Variants in FMNL2 observed in about 807,000 individuals in gnomAD.
FMNL2 encodes formin like 2, also known as formin-like protein 2.
Under a neutral mutation model 130.2 loss-of-function variants are expected in FMNL2, and 51 were observed. The ratio of observed to expected loss-of-function variants is 0.39; its 90% confidence interval spans 0.31 to 0.49. The LOEUF is 0.49. FMNL2 is among the 20% of genes least tolerant of loss of function. The probability of loss-of-function intolerance (pLI) is 0.85; values close to 1 mark genes in which losing one functional copy is unlikely to be tolerated. For missense variants in FMNL2, 977 were observed against 1,316.2 expected (o/e 0.74, Z 3.99); for synonymous variants, 465 against 467.1 (o/e 1.00, Z 0.06).
intron 1 of FMNL2, among the ~76,000 whole-genome samples, chr2:152,369,811 C>A (rs1560305659): frequency 6.6e-6 from 1 of 152,176 alleles, no homozygotes; most frequent in Non-Finnish European, 1.5e-5. Context: ...TTTCTTCTTT[C>A]TTTTTAACAT....
chr2:152,447,097 C>T (rs1688383507), intron 1 of FMNL2, among the ~76,000 whole-genome samples: 1 of 151,612 alleles, frequency 6.6e-6, no homozygotes, highest in African/African-American at 2.4e-5. Context: ...TGTGAATAAA[C>T]TCACTTTTTT....
intron 1 of FMNL2, among the ~76,000 whole-genome samples, chr2:152,499,953 T>C (rs1691719765): frequency 6.6e-6 from 1 of 152,000 alleles, no homozygotes; most frequent in African/African-American, 2.4e-5. Context: ...TTCTTCTGAG[T>C]TTCTTTCTCT....
At chr2:152,571,216 G>C (rs1362873093) in intron 6 of FMNL2, among the ~76,000 whole-genome samples, 1 of 152,144 alleles carries the variant, frequency 6.6e-6, no homozygotes, top group Non-Finnish European at 1.5e-5. Context: ...TCTGAGATTT[G>C]AGAACTGCTG....
At chr2:152,574,195 C>A (rs1355391219) in intron 6 of FMNL2, among the ~76,000 whole-genome samples, 3 of 152,080 alleles carry the variant, frequency 2.0e-5, no homozygotes, top group African/African-American at 4.8e-5. Context: ...CCCAGCACTT[C>A]GGGAGGCCGA....
chr2:152,645,522 G>A (rs1580176418), intron 25 of FMNL2: 1 of 1,289,526 alleles, frequency 7.8e-7, no homozygotes, highest in Non-Finnish European at 1.0e-6. Context: ...AGGATACACA[G>A]AGCTGGCAAG....
intron 1 of FMNL2, among the ~76,000 whole-genome samples, chr2:152,461,948 G>A (rs2105130621): frequency 6.6e-6 from 1 of 151,910 alleles, no homozygotes; most frequent in East Asian, 1.9e-4. Context: ...CCAGCGTGGA[G>A]TGTGATGTGC....
chr2:152,432,954 C>T (rs1207008523), intron 1 of FMNL2, among the ~76,000 whole-genome samples: 2 of 152,210 alleles, frequency 1.3e-5, no homozygotes, highest in African/African-American at 4.8e-5. Flanking sequence ...CAGGCATTGA[C>T]ATGGACTTTG....
intron 1 of FMNL2, among the ~76,000 whole-genome samples, chr2:152,500,368 G>A (rs2105320090): frequency 6.6e-6 from 1 of 152,284 alleles, no homozygotes; most frequent in South Asian, 2.1e-4. Flanking sequence ...AAAATGTCGT[G>A]TTCTATCTCC....
At chr2:152,478,384 C>T (rs565444427) in intron 1 of FMNL2, among the ~76,000 whole-genome samples, 32 of 151,184 alleles carry the variant, frequency 2.1e-4, no homozygotes, top group East Asian at 3.9e-4. Flanking sequence ...ATTACAGGCA[C>T]GCGCCAACGT....
At chr2:152,547,232 T>C (rs955314115) in intron 3 of FMNL2, among the ~76,000 whole-genome samples, 6 of 152,158 alleles carry the variant, frequency 3.9e-5, no homozygotes, top group Admixed American at 6.5e-5. Flanking sequence ...CGTGAGCCAC[T>C]GAGCTTGGCC....
chr2:152,622,992 C>T (rs1392241648), intron 15 of FMNL2, among the ~76,000 whole-genome samples: 1 of 152,084 alleles, frequency 6.6e-6, no homozygotes, highest in Admixed American at 6.6e-5. Context: ...CACAGTGTGT[C>T]CAGTGGTCAC....
chr2:152,629,755 G>T, intron 19 of FMNL2, 31 bp downstream of exon 19: 1 of 1,601,762 alleles, frequency 6.2e-7, no homozygotes, highest in Non-Finnish European at 8.5e-7. Flanking sequence ...AGGTATGAAG[G>T]ACTACTTCAG....
chr2:152,538,208 A>C (rs1694102599), intron 2 of FMNL2, among the ~76,000 whole-genome samples: 1 of 152,226 alleles, frequency 6.6e-6, no homozygotes. Context: ...ATTACTTCTA[A>C]ATTAACCAGT....
At chr2:152,413,091 T>A (rs905560787) in intron 1 of FMNL2, among the ~76,000 whole-genome samples, 3 of 152,088 alleles carry the variant, frequency 2.0e-5, no homozygotes, top group Non-Finnish European at 4.4e-5. Flanking sequence ...TTAACAGATA[T>A]AAAACATAAA....
intron 1 of FMNL2, among the ~76,000 whole-genome samples, chr2:152,502,490 C>T (rs1203931539): frequency 1.3e-5 from 2 of 152,154 alleles, no homozygotes; most frequent in African/African-American, 4.8e-5. Flanking sequence ...AGTCTGAGAC[C>T]AGCCTGGCCA....
intron 7 of FMNL2, among the ~76,000 whole-genome samples, chr2:152,575,789 A>G (rs1227744725): frequency 6.6e-6 from 1 of 152,190 alleles, no homozygotes; most frequent in Non-Finnish European, 1.5e-5. Flanking sequence ...AAAGGGTTAT[A>G]TGGCAAACAG....
Position 152,619,057 on chromosome 2 carries a change from T to C in FMNL2, c.1526T>C (p.Val509Ala), listed in dbSNP as rs746624646. The C allele has an allele frequency of 4.3e-6, 7 of 1,613,872 alleles. No individual in the cohort carries two copies. Among genetic ancestry groups the C allele is most frequent in the Non-Finnish European group, 5.9e-6 (7 of 1,179,852 alleles). Reference protein sequence around the residue: ...SGTLSMGSEVVAGNSVGPTMG... With the variant: ...SGTLSMGSEVAAGNSVGPTMG... ...ACATTGTCCATGGGGTCAGAAGTGGTAGCAGGTAACTCTGTGGGACCCACA... is the reference window on the plus strand; with the variant it reads ...ACATTGTCCATGGGGTCAGAAGTGGCAGCAGGTAACTCTGTGGGACCCACA... The change falls in exon 14 of 26, where the codon GTA becomes GCA. Residue 509 changes from valine (V) to alanine (A), a missense_variant. By Grantham distance (64) the Val-to-Ala change is moderately conservative. This residue lies in a region of FMNL2 where 689 missense variants were observed against 995.9 expected (regional missense o/e 0.69). Transcript: ENST00000288670.
chr2:152,490,569 A>ATGTGTGTGTGTGTGTGTGTGTG (rs58838989), intron 1 of FMNL2, among the ~76,000 whole-genome samples: 6 of 108,520 alleles, frequency 5.5e-5, no homozygotes, highest in South Asian at 3.8e-4. Flanking sequence ...TTGCTATCCA[A>ATGTGTGTGTGTGTGTGTGTGTG]TGTGTGTGTG....
intron 9 of FMNL2, among the ~76,000 whole-genome samples, chr2:152,597,818 C>T (rs541458312): frequency 3.8e-4 from 58 of 152,328 alleles, no homozygotes; most frequent in African/African-American, 1.4e-3. Context: ...TCATCTTGGG[C>T]TGGGTGGAAG....
Sources: gnomAD v4.1 joint callset for allele counts (sites outside exome capture counted in the v4.1 genomes callset) on GRCh38, gnomAD v4.1.1 for gene constraint, gnomAD v4.1.1 regional missense constraint, MANE v1.5 for transcripts, NCBI Gene and HGNC (gene_info 2026-07-23, HGNC 2026-07-21) for gene names.